The following ZDHHC20 variants were observed in gnomAD, a reference collection of about 807,000 sequenced individuals.
ZDHHC20 encodes the protein zDHHC palmitoyltransferase 20, also known as palmitoyltransferase ZDHHC20.
A neutral mutation model predicts 57.8 loss-of-function variants in ZDHHC20; 43 were observed. The observed-to-expected ratio is 0.74, with a 90% CI of 0.58 to 0.96. The LOEUF (loss-of-function observed/expected upper bound fraction) is 0.96, where lower values mean the gene tolerates loss of function less well. ZDHHC20 is among the 40% of genes least tolerant of loss of function. ZDHHC20 has a pLI of 0.00. For synonymous variants in ZDHHC20, 157 were observed against 153.0 expected (o/e 1.03, Z -0.19); for missense variants, 391 against 441.1 (o/e 0.89, Z 1.02).
intron 7 of ZDHHC20, among the ~76,000 whole-genome samples, chr13:21,398,473 A>C (rs1322914101): frequency 6.6e-6 from 1 of 152,014 alleles, no homozygotes; most frequent in Non-Finnish European, 1.5e-5. Context: ...CAAAAAAAAA[A>C]AAAAGGAAAG....
intron 4 of ZDHHC20, among the ~76,000 whole-genome samples, chr13:21,409,433 T>A (rs1878901811): frequency 6.6e-6 from 1 of 152,230 alleles, no homozygotes; most frequent in African/African-American, 2.4e-5. Flanking sequence ...TAGTTTGTAT[T>A]TCTGTGGGAT....
intron 11 of ZDHHC20, among the ~76,000 whole-genome samples, chr13:21,381,015 A>T (rs1873291690): frequency 6.6e-6 from 1 of 151,104 alleles, no homozygotes; most frequent in South Asian, 2.1e-4. Flanking sequence ...TTTTATTATT[A>T]TTATTTTTTG....
intron 1 of ZDHHC20, 25 bp downstream of exon 1, chr13:21,459,029 C>A (rs1187948055): frequency 1.9e-6 from 3 of 1,556,230 alleles, no homozygotes; most frequent in Non-Finnish European, 2.6e-6. Context: ...CGCGCCCCGC[C>A]GCAGTCCCCG....
Position 21,375,208 on chromosome 13 carries a change from C to T in ZDHHC20, c.*1488G>A. ...TTAGGCATCACAGAATGTTAGAAGT[C>T]ATCCAGTCCAACTTATTCACAACAC... On this transcript the variant is annotated 3_prime_UTR_variant, in exon 13 of 13. Coordinates refer to ENST00000400590, the MANE Select transcript of ZDHHC20 (RefSeq NM_001330059.2). The T allele has an allele frequency of 4.4e-6, 2 of 456,072 alleles. No homozygotes were observed. Among genetic ancestry groups the T allele is most frequent in the Non-Finnish European group, 8.8e-6 (2 of 226,756 alleles). 28.3% of individuals were successfully genotyped at this position (456,072 alleles called of 1,614,324 possible). A position where few individuals can be genotyped will look rare whatever the true frequency, so the allele number is the denominator to read the frequency against.
rs754384830 is a variant in ZDHHC20 at position 21,383,027 on chromosome 13, G to C, written c.855-18C>G. 6.5e-7 allele frequency: 1 copy of C among 1,545,736 alleles called. No individual in the cohort carries two copies. The highest frequency in any genetic ancestry group is 8.8e-7 in the Non-Finnish European group (1 of 1,141,610). On this transcript the variant is annotated intron_variant, in intron 9 of 12. Transcript: ENST00000400590. ...CACCCAAGCTGCATAATGAAAAAGA[G>C]TAATAATTTAAATAATGTTAAGTTA...
intron 2 of ZDHHC20, among the ~76,000 whole-genome samples, chr13:21,423,414 G>C (rs1180550502): frequency 6.6e-6 from 1 of 152,108 alleles, no homozygotes; most frequent in Non-Finnish European, 1.5e-5. Context: ...AGTGGCTCGT[G>C]CCTGTATTCC....
At chr13:21,446,512 T>C (rs1883716759) in intron 1 of ZDHHC20, among the ~76,000 whole-genome samples, 1 of 152,238 alleles carries the variant, frequency 6.6e-6, no homozygotes, top group South Asian at 2.1e-4. Context: ...AATGAGTGGT[T>C]CAAAGTTTAC....
At chr13:21,408,918 T>C (rs947983704) in intron 4 of ZDHHC20, among the ~76,000 whole-genome samples, 3 of 152,200 alleles carry the variant, frequency 2.0e-5, no homozygotes, top group Non-Finnish European at 4.4e-5. Context: ...ATTTATCGAT[T>C]TGTGTATATT....
chr13:21,457,207 AT>A (rs1884997698), intron 1 of ZDHHC20, among the ~76,000 whole-genome samples: 3 of 152,226 alleles, frequency 2.0e-5, no homozygotes, highest in Admixed American at 6.5e-5. Flanking sequence ...ATTTCTTAAT[AT>A]TTTTGACAAA....
intron 1 of ZDHHC20, among the ~76,000 whole-genome samples, chr13:21,437,605 G>T (rs1338478188): frequency 6.6e-6 from 1 of 152,074 alleles, no homozygotes; most frequent in Non-Finnish European, 1.5e-5. Flanking sequence ...GGGCTCTGAA[G>T]AATTATGCTA....
intron 7 of ZDHHC20, among the ~76,000 whole-genome samples, chr13:21,397,821 G>A (rs751096450): frequency 2.0e-5 from 3 of 151,966 alleles, no homozygotes; most frequent in Non-Finnish European, 2.9e-5. Flanking sequence ...ATAAGCATAT[G>A]CAAAAAAAAT....
At chr13:21,428,680 G>A (rs1028942954) in intron 1 of ZDHHC20, among the ~76,000 whole-genome samples, 4 of 151,000 alleles carry the variant, frequency 2.6e-5, no homozygotes, top group Non-Finnish European at 5.9e-5. Context: ...CCAAGATGGT[G>A]AAACCCCATC....
intron 1 of ZDHHC20, among the ~76,000 whole-genome samples, chr13:21,434,131 C>T (rs1882302447): frequency 1.3e-5 from 2 of 151,924 alleles, no homozygotes; most frequent in Admixed American, 1.3e-4. Flanking sequence ...TGTGCGTGCA[C>T]ACCATTTTAA....
At chr13:21,413,878 G>T in intron 3 of ZDHHC20, 106 bp from the exon 4 acceptor site, 1 of 922,854 alleles carries the variant, frequency 1.1e-6, no homozygotes, top group Non-Finnish European at 1.6e-6. Context: ...ACTATTTTAT[G>T]AAGACAAAAC....
chr13:21,389,091 C>T (rs1190065827), intron 8 of ZDHHC20, among the ~76,000 whole-genome samples: 1 of 152,132 alleles, frequency 6.6e-6, no homozygotes, highest in Non-Finnish European at 1.5e-5. Flanking sequence ...GATTAAAAAA[C>T]TCAGAATCAA....
chr13:21,406,909 G>A (rs1178217048), intron 4 of ZDHHC20, among the ~76,000 whole-genome samples: 1 of 152,160 alleles, frequency 6.6e-6, no homozygotes, highest in African/African-American at 2.4e-5. Flanking sequence ...TAATAGGATT[G>A]CTGGGTCAAA....
intron 3 of ZDHHC20, among the ~76,000 whole-genome samples, chr13:21,418,581 A>G (rs1008150699): frequency 3.9e-5 from 6 of 152,060 alleles, no homozygotes; most frequent in South Asian, 4.1e-4. Context: ...CAACTAAGGA[A>G]AGTCTCCAAA....
At chr13:21,428,270 G>T (rs780271707) in intron 1 of ZDHHC20, among the ~76,000 whole-genome samples, 94 of 152,100 alleles carry the variant, frequency 6.2e-4, no homozygotes, top group Non-Finnish European at 1.0e-3. Context: ...ACCCAGGCTG[G>T]AGTAAAGTGG....
chr13:21,379,893 C>T (rs184950351), intron 11 of ZDHHC20, among the ~76,000 whole-genome samples: 3 of 147,752 alleles, frequency 2.0e-5, no homozygotes, highest in Non-Finnish European at 4.4e-5. Context: ...TGGCTCACTG[C>T]GGGCTCCAAC....
Sources: gnomAD v4.1 joint callset for allele counts (sites outside exome capture counted in the v4.1 genomes callset) on GRCh38, gnomAD v4.1.1 for gene constraint, MANE v1.5 for transcripts, NCBI Gene and HGNC (gene_info 2026-07-23, HGNC 2026-07-21) for gene names.